CDH13: variants seen among roughly 807,000 people sequenced by gnomAD.
CDH13 encodes cadherin 13, also known as cadherin-13.
In CDH13, 24 loss-of-function variants were observed where a neutral mutation model predicts 63.8. The ratio of observed to expected loss-of-function variants is 0.38; its 90% CI spans 0.27 to 0.53. CDH13 has a LOEUF of 0.53. CDH13 is among the 20% of genes least tolerant of loss of function. The pLI is 0.85. For missense variants in CDH13, 1,049 were observed against 903.1 expected (o/e 1.16, Z -2.07); for synonymous variants, 503 against 355.3 (o/e 1.42, Z -4.67).
intron 1 of CDH13, among the ~76,000 whole-genome samples, chr16:82,635,596 A>T (rs767988569): frequency 6.6e-6 from 1 of 152,214 alleles, no homozygotes; most frequent in Non-Finnish European, 1.5e-5. Flanking sequence ...TTCTGGCTAC[A>T]AGTAGCAAAT....
chr16:83,673,024 T>A (rs1914650055), intron 9 of CDH13, among the ~76,000 whole-genome samples: 1 of 152,250 alleles, frequency 6.6e-6, no homozygotes. Flanking sequence ...TGCTTTTATG[T>A]ACTTCGTGCA....
At chr16:82,798,833 G>A (rs1019505815) in intron 1 of CDH13, among the ~76,000 whole-genome samples, 5 of 152,134 alleles carry the variant, frequency 3.3e-5, no homozygotes, top group African/African-American at 9.7e-5. Flanking sequence ...CAGGTTCTGG[G>A]TTCTGTGTTG....
intron 10 of CDH13, among the ~76,000 whole-genome samples, chr16:83,709,884 C>T (rs1907741079): frequency 6.6e-6 from 1 of 152,196 alleles, no homozygotes; most frequent in South Asian, 2.1e-4. Flanking sequence ...ATTATTTCCA[C>T]CTCTCTCTAG....
At chr16:83,758,858 C>T (rs116756064) in intron 11 of CDH13, among the ~76,000 whole-genome samples, 2,667 of 152,276 alleles carry the variant, frequency 0.018, 71 homozygotes, top group African/African-American at 0.057. Flanking sequence ...CTACAAATGA[C>T]TGCCTAAGAT....
At chr16:83,471,444 T>C (rs2151539658) in intron 6 of CDH13, among the ~76,000 whole-genome samples, 1 of 152,222 alleles carries the variant, frequency 6.6e-6, no homozygotes, top group South Asian at 2.1e-4. Context: ...CCGGCTAATT[T>C]TTTGTATTTT....
intron 2 of CDH13, among the ~76,000 whole-genome samples, chr16:82,960,454 A>T (rs999808852): frequency 6.6e-6 from 1 of 152,190 alleles, no homozygotes; most frequent in African/African-American, 2.4e-5. Context: ...GTGGTTAGAA[A>T]TAAGAGTCTG....
At chr16:82,790,734 G>C (rs2036258840) in intron 1 of CDH13, among the ~76,000 whole-genome samples, 1 of 152,166 alleles carries the variant, frequency 6.6e-6, no homozygotes, top group African/African-American at 2.4e-5. Context: ...AGCCATGATT[G>C]TTTACCAGGC....
At chr16:83,471,579 A>C (rs148157195) in intron 6 of CDH13, among the ~76,000 whole-genome samples, 163 of 152,172 alleles carry the variant, frequency 1.1e-3, no homozygotes, top group Admixed American at 2.5e-3. Flanking sequence ...TGGCCTTTCT[A>C]ACCACACTTT....
chr16:83,344,341 A>G (rs1597795709), intron 5 of CDH13, among the ~76,000 whole-genome samples: 2 of 152,228 alleles, frequency 1.3e-5, no homozygotes, highest in African/African-American at 4.8e-5. Context: ...GTGGGCAGGA[A>G]TCCCGAGGTC....
At chr16:82,937,388 GTCTC>G (rs2042702473) in intron 2 of CDH13, among the ~76,000 whole-genome samples, 1 of 151,634 alleles carries the variant, frequency 6.6e-6, no homozygotes, top group Non-Finnish European at 1.5e-5. Context: ...GTCCCTCTGT[GTCTC>G]TCTCTGTGTC....
chr16:82,697,903 C>A (rs1386841512), intron 1 of CDH13, among the ~76,000 whole-genome samples: 1 of 152,034 alleles, frequency 6.6e-6, no homozygotes, highest in African/African-American at 2.4e-5. Context: ...TTTATTGTTG[C>A]CCCAACATGA....
intron 1 of CDH13, among the ~76,000 whole-genome samples, chr16:82,792,645 G>A (rs1022519914): frequency 1.8e-4 from 28 of 152,130 alleles, no homozygotes; most frequent in African/African-American, 6.8e-4. Context: ...GGTGGCAGGT[G>A]GACCTTCATT....
rs535209569 is a variant in CDH13 at position 83,790,463 on chromosome 16, G to A, written c.2135-4560G>A. Among the ~76,000 whole-genome samples, 7 of 152,224 alleles carry A rather than the reference G, an allele frequency of 4.6e-5. No homozygotes were observed. The South Asian group carries it at 1.4e-3, about 32-fold the overall frequency. On this transcript the variant is annotated intron_variant, in intron 13 of 13. Coordinates refer to ENST00000567109, the MANE Select transcript of CDH13 (RefSeq NM_001257.5). The stretch of plus-strand genomic sequence containing the variant: ...CACCCAGGCTGGAGTGCAGTGGCAT[G>A]GTCTCTGCTCACCGCAAGCTCCACC...
At chr16:83,730,907 ATGCAGTATTTGGTTTTCTGTCCCTG>A (rs368879091) in intron 10 of CDH13, among the ~76,000 whole-genome samples, 1,599 of 152,306 alleles carry the variant, frequency 0.01, 38 homozygotes, top group African/African-American at 0.036. Context: ...AACTGAGAAC[ATGCAGTATTTGGTTTTCTGTCCCTG>A]TGCTAATTCG....
chr16:82,944,509 A>G (rs905026749), intron 2 of CDH13, among the ~76,000 whole-genome samples: 1 of 152,238 alleles, frequency 6.6e-6, no homozygotes, highest in Non-Finnish European at 1.5e-5. Context: ...ACATTTGGCA[A>G]TGTCTGGAGA....
chr16:83,354,683 C>G (rs748171737), intron 6 of CDH13, among the ~76,000 whole-genome samples: 1 of 152,140 alleles, frequency 6.6e-6, no homozygotes, highest in Non-Finnish European at 1.5e-5. Context: ...AAGGATGTTC[C>G]AGACGCAGGG....
At chr16:83,651,012 G>A (rs549404617) in intron 8 of CDH13, among the ~76,000 whole-genome samples, 1 of 151,850 alleles carries the variant, frequency 6.6e-6, no homozygotes, top group South Asian at 2.1e-4. Flanking sequence ...GAGGCAGAAG[G>A]CTCCATTGAG....
At chr16:82,688,561 A>T (rs1915318694) in intron 1 of CDH13, among the ~76,000 whole-genome samples, 1 of 152,200 alleles carries the variant, frequency 6.6e-6, no homozygotes, top group African/African-American at 2.4e-5. Flanking sequence ...TAAAACATCA[A>T]CTATGACAAC....
At chr16:83,171,465 A>T in intron 4 of CDH13, 2 of 1,377,768 alleles carry the variant, frequency 1.5e-6, no homozygotes, top group Middle Eastern at 2.0e-4. Context: ...AAGCTTTTCT[A>T]ATTAGGTTAC....
Sources: allele counts gnomAD v4.1 joint callset (sites outside exome capture counted in the v4.1 genomes callset), GRCh38; gene constraint gnomAD v4.1.1; transcripts MANE v1.5; gene names NCBI Gene and HGNC (gene_info 2026-07-23, HGNC 2026-07-21).